Variants in KCNN2 observed in about 807,000 individuals in gnomAD.
KCNN2 encodes the protein potassium calcium-activated channel subfamily N member 2, also known as small conductance calcium-activated potassium channel protein 2.
In KCNN2, 24 loss-of-function variants were observed where a neutral mutation model predicts 55.5. That is an observed-to-expected ratio of 0.43 (90% CI 0.31 to 0.61). The LOEUF is 0.61. Among genes scored for constraint, KCNN2 ranks in the 20% least tolerant of loss-of-function variants. The probability of loss-of-function intolerance (pLI) is 0.08; values close to 1 mark genes in which losing one functional copy is unlikely to be tolerated. For synonymous variants in KCNN2, 431 were observed against 336.1 expected (o/e 1.28, Z -3.09); for missense variants, 754 against 853.6 (o/e 0.88, Z 1.45).
intron 2 of KCNN2, among the ~76,000 whole-genome samples, chr5:114,401,287 A>G (rs1380002881): frequency 2.6e-5 from 4 of 152,210 alleles, no homozygotes; most frequent in Admixed American, 2.0e-4. Context: ...GGAAGTTACC[A>G]AAGAGGAAAG....
intron 2 of KCNN2, among the ~76,000 whole-genome samples, chr5:114,385,254 C>G (rs1475164270): frequency 6.6e-6 from 1 of 151,764 alleles, no homozygotes; most frequent in African/African-American, 2.4e-5. Flanking sequence ...TTCTCTTTCT[C>G]TCCCTTTCTC....
At chr5:114,344,726 G>A (rs1372655450) in intron 2 of KCNN2, among the ~76,000 whole-genome samples, 2 of 152,192 alleles carry the variant, frequency 1.3e-5, no homozygotes, top group Non-Finnish European at 2.9e-5. Context: ...TAAGCGTTTA[G>A]AGGTTACCTC....
chr5:114,266,354 A>G (rs1210379624), intron 2 of KCNN2, among the ~76,000 whole-genome samples: 4 of 152,148 alleles, frequency 2.6e-5, no homozygotes, highest in African/African-American at 9.7e-5. Flanking sequence ...TGTGGGTTTT[A>G]GACCCAAGTT....
At chr5:114,158,333 G>T (rs544059040) in intron 1 of KCNN2, among the ~76,000 whole-genome samples, 2 of 152,162 alleles carry the variant, frequency 1.3e-5, no homozygotes, top group African/African-American at 2.4e-5. Flanking sequence ...CATTATTTCT[G>T]AGGGCTCTGT....
At chr5:114,339,347 T>G (rs1756977090) in intron 2 of KCNN2, among the ~76,000 whole-genome samples, 1 of 152,192 alleles carries the variant, frequency 6.6e-6, no homozygotes. Context: ...CAGTTTCTCA[T>G]GGTTCTGGCC....
intron 3 of KCNN2, among the ~76,000 whole-genome samples, chr5:114,446,562 A>G (rs1439403177): frequency 6.6e-6 from 1 of 152,066 alleles, no homozygotes; most frequent in Non-Finnish European, 1.5e-5. Flanking sequence ...GGTTCAAGCT[A>G]TTCTCCTGCC....
chr5:114,157,311 C>A (rs934982642), intron 1 of KCNN2, among the ~76,000 whole-genome samples: 1 of 152,058 alleles, frequency 6.6e-6, no homozygotes, highest in African/African-American at 2.4e-5. Context: ...CAGCTTCATC[C>A]ATGTCCCTAC....
chr5:114,292,368 A>G (rs990410123), intron 2 of KCNN2, among the ~76,000 whole-genome samples: 8 of 152,246 alleles, frequency 5.3e-5, no homozygotes, highest in Admixed American at 4.6e-4. Context: ...TAATTTTTGT[A>G]TAAGGTGTAA....
intron 1 of KCNN2, 108 bp from the exon 2 acceptor site, chr5:114,363,798 C>T (rs1307412880): frequency 9.3e-6 from 7 of 753,698 alleles, no homozygotes; most frequent in African/African-American, 3.5e-5. Context: ...CCTTATCTTC[C>T]TTCTGTGAGT....
chr5:114,188,798 A>G (rs529036808), intron 1 of KCNN2, among the ~76,000 whole-genome samples: 1 of 152,214 alleles, frequency 6.6e-6, no homozygotes, highest in Non-Finnish European at 1.5e-5. Flanking sequence ...GAAAAAATAT[A>G]AAGAAGACTA....
intron 2 of KCNN2, among the ~76,000 whole-genome samples, chr5:114,229,385 C>T (rs1407168635): frequency 2.6e-5 from 4 of 151,676 alleles, no homozygotes; most frequent in Non-Finnish European, 5.9e-5. Flanking sequence ...CTCCCCTGGC[C>T]TGGTTATTTT....
intron 3 of KCNN2, among the ~76,000 whole-genome samples, chr5:114,434,580 G>T (rs1759936567): frequency 6.6e-6 from 1 of 152,126 alleles, no homozygotes; most frequent in Admixed American, 6.5e-5. Context: ...GGGATAAACC[G>T]GTCTGTTGTA....
At chr5:114,194,411 A>T (rs115483755) in intron 1 of KCNN2, among the ~76,000 whole-genome samples, 4,643 of 151,946 alleles carry the variant, frequency 0.031, 246 homozygotes, top group African/African-American at 0.11. Flanking sequence ...TGAAGTGGTA[A>T]CTCATTGAAA....
At chr5:114,413,409 C>G (rs1759196183) in intron 3 of KCNN2, among the ~76,000 whole-genome samples, 1 of 152,120 alleles carries the variant, frequency 6.6e-6, no homozygotes, top group Non-Finnish European at 1.5e-5. Flanking sequence ...CTCAGCCTCC[C>G]AAGTAGCTGG....
chr5:114,068,395 C>A (rs1441765268), intron 1 of KCNN2, among the ~76,000 whole-genome samples: 1 of 152,156 alleles, frequency 6.6e-6, no homozygotes, highest in Non-Finnish European at 1.5e-5. Flanking sequence ...ATTTTATGGC[C>A]ACACATGGTC....
intron 1 of KCNN2, among the ~76,000 whole-genome samples, chr5:114,147,669 A>T (rs1752426493): frequency 6.6e-6 from 1 of 152,224 alleles, no homozygotes; most frequent in Non-Finnish European, 1.5e-5. Context: ...TTAGATCTGT[A>T]TCTCCTGATA....
rs1362013564 is a variant in KCNN2, at chr5:114,456,741, A to G, written c.1638-6308A>G. Among the ~76,000 whole-genome samples, 5 of 152,250 alleles carry G rather than the reference A, an allele frequency of 3.3e-5. No homozygotes were observed. In the South Asian group the frequency reaches 8.3e-4, roughly 25 times the overall value. ...TTGGAAGAAGTTGATTCTAAACCTC[A>G]TGGATAACTTGAAAGGATTCAAATT... On this transcript the variant is annotated intron_variant, in intron 3 of 7. Coordinates refer to ENST00000673685, the MANE Select transcript of KCNN2 (RefSeq NM_021614.4).
intron 3 of KCNN2, among the ~76,000 whole-genome samples, chr5:114,437,808 T>TC (rs1760060707): frequency 6.6e-6 from 1 of 152,170 alleles, no homozygotes; most frequent in African/African-American, 2.4e-5. Context: ...CAGTCACGTG[T>TC]CTATTTGCCT....
At chr5:114,302,488 A>G (rs982008149) in intron 2 of KCNN2, among the ~76,000 whole-genome samples, 1 of 152,214 alleles carries the variant, frequency 6.6e-6, no homozygotes, top group African/African-American at 2.4e-5. Flanking sequence ...TTATAATGGA[A>G]GAAACTGAAG....
Sources: allele counts gnomAD v4.1 joint callset (sites outside exome capture counted in the v4.1 genomes callset), GRCh38; gene constraint gnomAD v4.1.1; transcripts MANE v1.5; gene names NCBI Gene and HGNC (gene_info 2026-07-23, HGNC 2026-07-21).